Variants in DIXDC1 observed in about 807,000 individuals in gnomAD.
The protein encoded by DIXDC1 is dixin.
A neutral mutation model predicts 103.1 loss-of-function variants in DIXDC1; 64 were observed. That is an observed-to-expected ratio of 0.62 (90% CI 0.51 to 0.76). The LOEUF (loss-of-function observed/expected upper bound fraction) is 0.76. Ranked by LOEUF, DIXDC1 falls within the 30% of genes least tolerant of loss-of-function variation. The pLI, the probability that DIXDC1 is intolerant of heterozygous loss-of-function variation, is 0.00. For missense variants in DIXDC1, 759 were observed against 834.2 expected, an observed-to-expected ratio of 0.91 and a Z score of 1.11; for synonymous variants, 266 against 298.5, an observed-to-expected ratio of 0.89 and a Z score of 1.12.
Position 111,976,874 on chromosome 11 carries a change from G to C in DIXDC1, c.656+1891G>C, listed in dbSNP as rs1860114768. 1 of 152,680 alleles carries C rather than the reference G, an allele frequency of 6.5e-6. No individual in the cohort carries two copies. The highest frequency in any genetic ancestry group is 6.5e-5 in the Admixed American group (1 of 15,294). 9.5% of individuals were successfully genotyped at this position (152,680 alleles called of 1,614,324 possible). On this transcript the variant is annotated intron_variant, in intron 5 of 19. Coordinates refer to ENST00000440460, the MANE Select transcript of DIXDC1 (RefSeq NM_001037954.4). The surrounding 1 kb of genome is among the most constrained non-coding windows in gnomAD (Gnocchi z 4.3). ...CACGAAACGCCAGAGGGGAAGGTGGGAGGGGATAGGTGCTCGGCGAATTTT... is the reference window on the plus strand; with the variant it reads ...CACGAAACGCCAGAGGGGAAGGTGGCAGGGGATAGGTGCTCGGCGAATTTT...
chr11:111,991,698 A>C (rs1186104084), intron 10 of DIXDC1, among the ~76,000 whole-genome samples: 2 of 152,270 alleles, frequency 1.3e-5, no homozygotes, highest in Non-Finnish European at 2.9e-5. Flanking sequence ...GCTGAGGGAA[A>C]GAAAGCCTAA....
chr11:111,935,442 G>C (rs151251326), upstream of DIXDC1, among the ~76,000 whole-genome samples: 2 of 152,280 alleles, frequency 1.3e-5, no homozygotes, highest in Non-Finnish European at 2.9e-5. Flanking sequence ...CTGACCTCTG[G>C]CATAGATAAC....
chr11:111,999,997 G>C (rs1328400477), intron 17 of DIXDC1, among the ~76,000 whole-genome samples: 1 of 152,150 alleles, frequency 6.6e-6, no homozygotes, highest in Admixed American at 6.6e-5. Context: ...TTAGCTGGGG[G>C]TGGTGGCAGG....
At chr11:111,980,620 C>T in intron 5 of DIXDC1, 117 bp from the exon 6 acceptor site, 2 of 697,860 alleles carry the variant, frequency 2.9e-6, no homozygotes, top group East Asian at 5.5e-5. Flanking sequence ...ACTGTGTTAC[C>T]CATGGAGGAG....
intron 17 of DIXDC1, among the ~76,000 whole-genome samples, chr11:112,000,687 T>G (rs1459000374): frequency 6.6e-6 from 1 of 150,674 alleles, no homozygotes; most frequent in South Asian, 2.1e-4. Context: ...CAGGGCAAGA[T>G]TCTGTCTAAA....
chr11:111,946,115 T>G (rs1966586159), intron 1 of DIXDC1, among the ~76,000 whole-genome samples: 1 of 150,822 alleles, frequency 6.6e-6, no homozygotes, highest in Non-Finnish European at 1.5e-5. Context: ...TTTTGTATTT[T>G]TTTTTTTTTT....
At chr11:111,982,783 T>C (rs587636298) in intron 7 of DIXDC1, among the ~76,000 whole-genome samples, 29 of 152,360 alleles carry the variant, frequency 1.9e-4, no homozygotes, top group African/African-American at 7.0e-4. Flanking sequence ...GCTTCTACCC[T>C]GTATGTGGCT....
rs1303392989 is a variant in DIXDC1, at chr11:111,976,665, C to T, written c.656+1682C>T. Reference sequence around the variant, plus strand: ...GACCCATGAAGAGCCCAGGAGCCCCCAGATGTGGCTTGCTCAGGACGGGAG... The same window carrying T: ...GACCCATGAAGAGCCCAGGAGCCCCTAGATGTGGCTTGCTCAGGACGGGAG... On this transcript the variant is annotated intron_variant, in intron 5 of 19. Transcript: ENST00000440460. The surrounding 1 kb of genome is among the most constrained non-coding windows in gnomAD (Gnocchi z 4.3). 1.3e-5 allele frequency among the ~76,000 whole-genome samples: 2 copies of T among 152,102 alleles called. No individual in the cohort carries two copies. The highest frequency in any genetic ancestry group is 2.9e-5 in the Non-Finnish European group (2 of 68,022).
chr11:111,941,174 G>A (rs968507010), intron 1 of DIXDC1, among the ~76,000 whole-genome samples: 7 of 152,210 alleles, frequency 4.6e-5, no homozygotes, highest in African/African-American at 1.7e-4. Context: ...CCAGCTACTC[G>A]GGAGGCTGAG....
At chr11:111,969,197 G>A (rs1829609254) in intron 3 of DIXDC1, among the ~76,000 whole-genome samples, 1 of 151,962 alleles carries the variant, frequency 6.6e-6, no homozygotes, top group South Asian at 2.1e-4. Flanking sequence ...GGAGGCCAAG[G>A]CGGGAGGATC....
At chr11:111,986,330 C>T (rs1860487515) in intron 8 of DIXDC1, among the ~76,000 whole-genome samples, 1 of 150,620 alleles carries the variant, frequency 6.6e-6, no homozygotes, top group African/African-American at 2.4e-5. Flanking sequence ...TTACCCCACC[C>T]CCTCCCCTGC....
intron 2 of DIXDC1, among the ~76,000 whole-genome samples, chr11:111,930,504 G>T (rs903729161): frequency 6.6e-6 from 1 of 152,054 alleles, no homozygotes; most frequent in Non-Finnish European, 1.5e-5. Flanking sequence ...TTTAACATGC[G>T]ATCATATGCT....
intron 17 of DIXDC1, among the ~76,000 whole-genome samples, chr11:111,997,722 C>T (rs1458493343): frequency 1.3e-5 from 2 of 152,006 alleles, no homozygotes; most frequent in Non-Finnish European, 2.9e-5. Context: ...TTTTTAAGTA[C>T]AATAAATTCC....
At chr11:111,938,709 G>A (rs1041859091) in intron 1 of DIXDC1, among the ~76,000 whole-genome samples, 2 of 152,274 alleles carry the variant, frequency 1.3e-5, no homozygotes, top group East Asian at 3.9e-4. Flanking sequence ...AAGCTCTGCA[G>A]CCTGACCTGC....
chr11:111,974,947 G>A lies in DIXDC1; in HGVS notation c.620G>A (p.Gly207Glu). Residue 207 changes from glycine (G) to glutamate (E), a missense_variant, in exon 5 of 20, where the codon GGG becomes GAG. By Grantham distance (98) the Gly-to-Glu change is moderately conservative. Around this residue, in one of 3 missense-constraint regions of DIXDC1, gnomAD observed 657 missense variants for 727.5 expected, o/e 0.90. Transcript: ENST00000440460. ...CGGGCCCTAGTGCAGCAGTACGAAG[G>A]GCAACAAAGGTCCCCGTCTGAATCC... ...SVRALVQQYE[G>E]QQRSPSESSC... The A allele has an allele frequency of 6.2e-7, 1 of 1,613,332 alleles. No homozygotes were observed.
chr11:111,991,184 C>G (rs886701711), intron 10 of DIXDC1, among the ~76,000 whole-genome samples: 6 of 152,162 alleles, frequency 3.9e-5, no homozygotes, highest in African/African-American at 1.4e-4. Flanking sequence ...TTTTGAAACA[C>G]TTTAAAAAAC....
intron 6 of DIXDC1, 128 bp downstream of exon 6, chr11:111,980,977 A>C (rs1306118055): frequency 5.0e-5 from 33 of 654,736 alleles, no homozygotes; most frequent in Non-Finnish European, 8.2e-5. Flanking sequence ...GGTCAGCACT[A>C]GAGGGCTCTA....
chr11:111,942,004 G>T (rs1212913306), intron 1 of DIXDC1, among the ~76,000 whole-genome samples: 1 of 152,126 alleles, frequency 6.6e-6, no homozygotes, highest in Non-Finnish European at 1.5e-5. Context: ...CGTCAACACT[G>T]GGCCAATTAG....
intron 2 of DIXDC1, chr11:111,929,958 AT>A: frequency 6.8e-7 from 1 of 1,467,486 alleles, no homozygotes; most frequent in Non-Finnish European, 9.2e-7. Context: ...TGTTACTGGA[AT>A]TTCAATACAG....
Sources: allele counts gnomAD v4.1 joint callset (sites outside exome capture counted in the v4.1 genomes callset), GRCh38; gene constraint gnomAD v4.1.1; regional missense constraint gnomAD v4.1.1; non-coding constraint Gnocchi (gnomAD v3.1); transcripts MANE v1.5; gene names NCBI Gene and HGNC (gene_info 2026-07-23, HGNC 2026-07-21).